Variants in COL22A1 observed in about 807,000 individuals in gnomAD.
The protein encoded by COL22A1 is collagen alpha-1(XXII) chain.
COL22A1 carries 221 observed loss-of-function variants against 248.9 expected under a neutral mutation model. That is an observed-to-expected ratio of 0.89 (90% CI 0.80 to 0.99). The LOEUF is 0.99. Among genes scored for constraint, COL22A1 ranks in the 50% least tolerant of loss-of-function variants. The pLI is 0.00. For missense variants in COL22A1, 2,240 were observed against 2,179.0 expected (o/e 1.03, Z -0.56); for synonymous variants, 891 against 793.4 (o/e 1.12, Z -2.07).
intron 3 of COL22A1, among the ~76,000 whole-genome samples, chr8:138,845,864 CA>C (rs1269173317): frequency 6.6e-6 from 1 of 152,140 alleles, no homozygotes; most frequent in Non-Finnish European, 1.5e-5. Flanking sequence ...CCTGAAGACC[CA>C]GCCCTGCCCA....
Position 138,902,737 on chromosome 8 carries a change from TATACACACAC to T in COL22A1, c.-73+10872_-73+10881del, listed in dbSNP as rs1246453136. On this transcript the variant is annotated intron_variant, in intron 1 of 64. Coordinates refer to ENST00000303045, the MANE Select transcript of COL22A1 (RefSeq NM_152888.3). The stretch of plus-strand genomic sequence containing the variant: ...AAAAAAATTTATAAATATATATATA[TATACACACAC>T]ACACACACACACACACACACACACA... 8.5e-4 allele frequency among the ~76,000 whole-genome samples: 91 copies of T among 107,060 alleles called. No homozygotes were observed. The Middle Eastern group carries it at 0.016, about 19-fold the overall frequency. 70.2% of individuals were successfully genotyped at this position (107,060 alleles called of 152,430 possible).
chr8:138,845,547 T>A lies in COL22A1; in HGVS notation c.659-1389A>T, dbSNP rs554689527. Among the ~76,000 whole-genome samples, 749 of 118,586 alleles carry A rather than the reference T, an allele frequency of 6.3e-3. 12 individuals carry two copies. Among genetic ancestry groups the A allele is most frequent in the African/African-American group, 0.021 (717 of 34,338 alleles). 77.8% of individuals were successfully genotyped at this position (118,586 alleles called of 152,430 possible). ...AATAAATAAATAAATAAATAAATAA[T>A]AAAAAGTTGGAAGAAAAATGAACTC... On this transcript the variant is annotated intron_variant, in intron 3 of 64. Coordinates refer to ENST00000303045, the MANE Select transcript of COL22A1 (RefSeq NM_152888.3).
chr8:138,655,285 C>T lies in COL22A1; in HGVS notation c.3333+612G>A, dbSNP rs546302996. 1.3e-3 allele frequency among the ~76,000 whole-genome samples: 198 copies of T among 152,302 alleles called. 2 individuals carry two copies. The highest frequency in any genetic ancestry group is 4.5e-3 in the African/African-American group (185 of 41,564). ...TATCTGCAGTGCCCAATAAGGCAGC[C>T]ACCAGCCACATGCAGCTATTAAGTA... On this transcript the variant is annotated intron_variant, in intron 45 of 64. Coordinates refer to ENST00000303045, the MANE Select transcript of COL22A1 (RefSeq NM_152888.3).
intron 39 of COL22A1, 116 bp downstream of exon 39, chr8:138,684,309 A>G: frequency 1.3e-6 from 1 of 779,176 alleles, no homozygotes; most frequent in Non-Finnish European, 2.3e-6. Context: ...GAACACGATG[A>G]GCTGAGAAAC....
chr8:138,711,427 C>A (rs754179176), intron 30 of COL22A1, among the ~76,000 whole-genome samples: 17 of 152,222 alleles, frequency 1.1e-4, no homozygotes, highest in Non-Finnish European at 2.1e-4. Flanking sequence ...AAACCAGATT[C>A]TTTGGAAGCT....
intron 56 of COL22A1, 29 bp from the exon 57 acceptor site, chr8:138,608,018 T>C (rs373498331): frequency 1.2e-6 from 2 of 1,611,110 alleles, no homozygotes; most frequent in African/African-American, 1.3e-5. Context: ...GTAATCATCC[T>C]GCCAGGGCAT....
chr8:138,902,956 G>A (rs574376670), intron 1 of COL22A1, among the ~76,000 whole-genome samples: 35 of 152,128 alleles, frequency 2.3e-4, no homozygotes, highest in African/African-American at 7.2e-4. Flanking sequence ...GTTGTTCAAG[G>A]GTGGTTACTT....
At chr8:138,778,546 C>G in intron 14 of COL22A1, 140 bp from the exon 15 acceptor site, 1 of 684,188 alleles carries the variant, frequency 1.5e-6, no homozygotes, top group South Asian at 2.0e-5. Context: ...GCTGTTGGCA[C>G]AGGTCTCGCC....
At chr8:138,719,456 T>C (rs1037210921) in intron 27 of COL22A1, among the ~76,000 whole-genome samples, 11 of 152,150 alleles carry the variant, frequency 7.2e-5, no homozygotes, top group African/African-American at 2.7e-4. Context: ...ATCCAGGAAG[T>C]GGGAGGCTCA....
In COL22A1 at chr8:138,826,569, C is replaced by G. The variant is rs1186448961; in HGVS notation, c.969+89G>C. 4 of 1,416,540 alleles carry G rather than the reference C, an allele frequency of 2.8e-6. No individual in the cohort carries two copies. In the Admixed American group the frequency reaches 5.1e-5, roughly 18 times the overall value. The allele number at this position is 1,416,540 out of a possible 1,614,324, so 87.7% of individuals were successfully genotyped here. On this transcript the variant is annotated intron_variant, in intron 6 of 64. Coordinates refer to ENST00000303045, the MANE Select transcript of COL22A1 (RefSeq NM_152888.3). ...CTCTCTAGGCCCAGGGATAAGAGCCCTGGAGAAAACATGGTGGGTGGTGCC... is the reference window on the plus strand; with the variant it reads ...CTCTCTAGGCCCAGGGATAAGAGCCGTGGAGAAAACATGGTGGGTGGTGCC...
At position 138,613,247 on chromosome 8, in the gene COL22A1, C is replaced by CA. The variant is rs35361699; in HGVS notation, c.3978+619dup. Among the ~76,000 whole-genome samples, 131 of 124,364 alleles carry CA rather than the reference C, an allele frequency of 1.1e-3. 3 individuals carry two copies. Among genetic ancestry groups the CA allele is most frequent in the African/African-American group, 3.0e-3 (88 of 29,444 alleles). 81.6% of individuals were successfully genotyped at this position (124,364 alleles called of 152,430 possible). ...TGGGTGACAGAGCGAGACTCCGTTT[C>CA]AAAAAAAAAAAAAAGGAAGGGGTGG... On this transcript the variant is annotated intron_variant, in intron 56 of 64. Transcript: ENST00000303045.
At chr8:138,709,304 T>C (rs1318583417) in intron 30 of COL22A1, among the ~76,000 whole-genome samples, 7 of 152,068 alleles carry the variant, frequency 4.6e-5, no homozygotes, top group African/African-American at 1.2e-4. Context: ...ACCCAAAGGA[T>C]TATAAATCAT....
At chr8:138,903,788 C>T (rs1383295581) in intron 1 of COL22A1, among the ~76,000 whole-genome samples, 3 of 152,192 alleles carry the variant, frequency 2.0e-5, no homozygotes, top group Non-Finnish European at 4.4e-5. Context: ...GCTTGGGCCC[C>T]ACATCCCCCT....
At chr8:138,715,782 T>C (rs770699469) in intron 29 of COL22A1, 47 bp from the exon 30 acceptor site, 1 of 1,361,600 alleles carries the variant, frequency 7.3e-7, no homozygotes, top group Non-Finnish European at 1.0e-6. Flanking sequence ...CAAACCGAGC[T>C]GAATTCCTGC....
intron 27 of COL22A1, among the ~76,000 whole-genome samples, chr8:138,720,371 C>G (rs546963521): frequency 6.6e-6 from 1 of 152,224 alleles, no homozygotes; most frequent in South Asian, 2.1e-4. Flanking sequence ...TCCCTCCCTG[C>G]CAGGATAAGC....
chr8:138,737,374 G>A lies in COL22A1; in HGVS notation c.2139+150C>T, dbSNP rs550673288. 8.9e-5 allele frequency: 55 copies of A among 620,086 alleles called. No individual in the cohort carries two copies. The African/African-American group carries it at 9.5e-4, about 11-fold the overall frequency. The allele number at this position is 620,086 out of a possible 1,614,324, so 38.4% of individuals were successfully genotyped here. A position where few individuals can be genotyped will look rare whatever the true frequency, so the allele number is the denominator to read the frequency against. On this transcript the variant is annotated intron_variant, in intron 23 of 64. Transcript: ENST00000303045. ...ACAGGACAGCACAGGAGGAGGGAGGGAGGACACGTGACCCACTGGCTGTTC... is the reference window on the plus strand; with the variant it reads ...ACAGGACAGCACAGGAGGAGGGAGGAAGGACACGTGACCCACTGGCTGTTC...
intron 59 of COL22A1, 120 bp from the exon 60 acceptor site, chr8:138,602,279 C>A: frequency 9.2e-7 from 1 of 1,088,978 alleles, no homozygotes. Context: ...AAGATAAGGT[C>A]CCCCGAGGGC....
intron 15 of COL22A1, among the ~76,000 whole-genome samples, chr8:138,776,979 G>A: frequency 6.6e-6 from 1 of 152,204 alleles, no homozygotes; most frequent in African/African-American, 2.4e-5. Context: ...TACACGGTGA[G>A]GCACTGGGGC....
At chr8:138,782,967 A>G (rs1279651325) in intron 12 of COL22A1, among the ~76,000 whole-genome samples, 1 of 152,186 alleles carries the variant, frequency 6.6e-6, no homozygotes, top group African/African-American at 2.4e-5. Context: ...CAGCAGAGAC[A>G]AAGGGACTGT....
Sources: gnomAD v4.1 joint callset for allele counts (sites outside exome capture counted in the v4.1 genomes callset) on GRCh38, gnomAD v4.1.1 for gene constraint, MANE v1.5 for transcripts, NCBI Gene and HGNC (gene_info 2026-07-23, HGNC 2026-07-21) for gene names.